Variants in SERP2 observed in about 807,000 individuals in gnomAD.
The protein encoded by SERP2 is stress associated endoplasmic reticulum protein family member 2.
SERP2 carries 6 observed loss-of-function variants against 9.1 expected under a neutral mutation model. The observed-to-expected ratio is 0.66, with a 90% CI of 0.36 to 1.30. SERP2 has a LOEUF of 1.30. Among genes scored for constraint, SERP2 ranks in the 50% most tolerant of loss-of-function variants. The pLI is 0.03. For synonymous variants in SERP2, 37 were observed against 27.3 expected, an observed-to-expected ratio of 1.35 and a Z score of -1.10; for missense variants, 58 against 81.9, an observed-to-expected ratio of 0.71 and a Z score of 1.13.
chr13:44,376,060 T>G (rs945657556), intron 1 of SERP2, among the ~76,000 whole-genome samples: 6 of 152,252 alleles, frequency 3.9e-5, no homozygotes, highest in Non-Finnish European at 7.3e-5. Flanking sequence ...TCATAGTGCC[T>G]TGCACCTATA....
intron 1 of SERP2, among the ~76,000 whole-genome samples, chr13:44,378,935 T>C (rs989843609): frequency 6.6e-6 from 1 of 152,220 alleles, no homozygotes; most frequent in Non-Finnish European, 1.5e-5. Context: ...AAGTGCAAGC[T>C]TTATTAAGGC....
chr13:44,395,421 G>A (rs919306600), intron 2 of SERP2, among the ~76,000 whole-genome samples: 19 of 152,014 alleles, frequency 1.2e-4, no homozygotes, highest in African/African-American at 4.6e-4. Flanking sequence ...TGGCTAACAC[G>A]GTGAAATCCC....
chr13:44,380,344 T>G (rs1170014674), intron 2 of SERP2, among the ~76,000 whole-genome samples: 1 of 152,016 alleles, frequency 6.6e-6, no homozygotes, highest in Non-Finnish European at 1.5e-5. Flanking sequence ...TCCTTGTGAG[T>G]GGAGGTCACT....
chr13:44,387,701 G>A (rs1872397271), intron 2 of SERP2, among the ~76,000 whole-genome samples: 1 of 152,140 alleles, frequency 6.6e-6, no homozygotes, highest in South Asian at 2.1e-4. Flanking sequence ...CAATACGGTT[G>A]TATTTCTCTC....
intron 2 of SERP2, among the ~76,000 whole-genome samples, chr13:44,392,337 T>G (rs1479624313): frequency 6.6e-6 from 1 of 151,794 alleles, no homozygotes; most frequent in Admixed American, 6.6e-5. Flanking sequence ...GTGCAGGTCA[T>G]GAAGGCCTCA....
At chr13:44,388,956 A>T (rs866546386) in intron 2 of SERP2, among the ~76,000 whole-genome samples, 2 of 152,176 alleles carry the variant, frequency 1.3e-5, no homozygotes, top group African/African-American at 2.4e-5. Flanking sequence ...CATGCCAGGG[A>T]CATATGGGAG....
chr13:44,374,181 G>GGGGGGGGGGGGGGGGC, intron 1 of SERP2, 72 bp downstream of exon 1: 3 of 448,630 alleles, frequency 6.7e-6, no homozygotes, highest in East Asian at 7.5e-5. Context: ...TGGGGGCGGG[G>GGGGGGGGGGGGGGGGC]CCGGGCGGGT....
At chr13:44,374,159 TGGGGCGGAA>T in intron 1 of SERP2, 50 bp downstream of exon 1, 1 of 597,380 alleles carries the variant, frequency 1.7e-6, no homozygotes, top group Non-Finnish European at 2.7e-6. Flanking sequence ...CCCGGCGGGG[TGGGGCGGAA>T]GGTGGGGGCG....
chr13:44,383,571 CAG>C (rs1219827281), intron 2 of SERP2, among the ~76,000 whole-genome samples: 13 of 103,432 alleles, frequency 1.3e-4, no homozygotes, highest in African/African-American at 1.9e-4. Context: ...TTTTTTGAGA[CAG>C]AGTCTCGTTC....
In SERP2 at chr13:44,397,620, T is replaced by C; in HGVS notation, c.*308T>C. 1 of 442,466 alleles carries C rather than the reference T, an allele frequency of 2.3e-6. No homozygotes were observed. The highest frequency in any genetic ancestry group is 2.3e-5 in the South Asian group (1 of 43,412). 27.4% of individuals were successfully genotyped at this position (442,466 alleles called of 1,614,324 possible). On this transcript the variant is annotated 3_prime_UTR_variant, in exon 3 of 3. Transcript: ENST00000379179. ...CCTTGGTTTCACTAATGCGTGCATG[T>C]GGCCCTCTGAACGATCACTGGTTTA... is the stretch of plus-strand genomic sequence containing the variant.
At chr13:44,374,238 G>A (rs897203637) in intron 1 of SERP2, 129 bp downstream of exon 1, 2 of 616,086 alleles carry the variant, frequency 3.2e-6, no homozygotes, top group Non-Finnish European at 5.0e-6. Flanking sequence ...CCCCTTCTGC[G>A]GGGTCCTGCA....
At chr13:44,374,581 G>C (rs980218003) in intron 1 of SERP2, among the ~76,000 whole-genome samples, 4 of 152,204 alleles carry the variant, frequency 2.6e-5, no homozygotes, top group Non-Finnish European at 5.9e-5. Context: ...ATGAATGAAT[G>C]AATCAATGGC....
chr13:44,373,770 G>A (rs1871446664), upstream of SERP2: 1 of 442,822 alleles, frequency 2.3e-6, no homozygotes, highest in Non-Finnish European at 4.0e-6. The surrounding 1 kb of genome is among the most constrained non-coding windows in gnomAD (Gnocchi z 4.8). Flanking sequence ...AGGTGGCTGC[G>A]GGGACCGGAA....
chr13:44,397,240 G>A (rs773664008), intron 2 of SERP2, 32 bp from the exon 3 acceptor site: 3 of 1,607,466 alleles, frequency 1.9e-6, no homozygotes, highest in East Asian at 2.2e-5. Context: ...GTGCAGTCTG[G>A]TGTCTGAGCT....
At chr13:44,375,225 TTAAC>T (rs986794296) in intron 1 of SERP2, among the ~76,000 whole-genome samples, 9 of 152,088 alleles carry the variant, frequency 5.9e-5, no homozygotes, top group African/African-American at 1.9e-4. Context: ...ATTGGTTTGA[TTAAC>T]TAAGCAAAAA....
chr13:44,386,379 T>C (rs1306662624), intron 2 of SERP2, among the ~76,000 whole-genome samples: 2 of 152,192 alleles, frequency 1.3e-5, no homozygotes, highest in Non-Finnish European at 2.9e-5. Context: ...TTGTTTAATT[T>C]GATAACCAGT....
At chr13:44,385,289 G>A (rs1036670840) in intron 2 of SERP2, among the ~76,000 whole-genome samples, 5 of 152,196 alleles carry the variant, frequency 3.3e-5, no homozygotes, top group African/African-American at 1.2e-4. Flanking sequence ...ATAATGAAAA[G>A]GAAGGAATGA....
intron 1 of SERP2, among the ~76,000 whole-genome samples, chr13:44,378,700 G>A (rs1871800986): frequency 6.6e-6 from 1 of 151,844 alleles, no homozygotes; most frequent in Non-Finnish European, 1.5e-5. Context: ...TTCTATTTGA[G>A]AAATTCACTT....
chr13:44,374,176 GCGGGGCCGGGC>G, intron 1 of SERP2, 67 bp downstream of exon 1: 4 of 760,624 alleles, frequency 5.3e-6, no homozygotes, highest in Non-Finnish European at 3.7e-6. Context: ...GAAGGTGGGG[GCGGGGCCGGGC>G]GGGTAGCGGC....
Sources: gnomAD v4.1 joint callset for allele counts (sites outside exome capture counted in the v4.1 genomes callset) on GRCh38, gnomAD v4.1.1 for gene constraint, Gnocchi (gnomAD v3.1) non-coding constraint, MANE v1.5 for transcripts, NCBI Gene and HGNC (gene_info 2026-07-23, HGNC 2026-07-21) for gene names.